Variants in NF1 observed in about 807,000 individuals in gnomAD.
NF1 encodes the protein neurofibromin 1.
A neutral mutation model predicts 325.7 loss-of-function variants in NF1; 122 were observed. That is an observed-to-expected ratio of 0.37 (90% CI 0.32 to 0.44). The LOEUF (loss-of-function observed/expected upper bound fraction) is 0.44, where lower values mean the gene tolerates loss of function less well. NF1 is among the 20% of genes least tolerant of loss of function. NF1 has a pLI of 1.00. For missense variants in NF1, 2,140 were observed against 3,415.4 expected (o/e 0.63, Z 9.31); for synonymous variants, 1,091 against 1,186.0 (o/e 0.92, Z 1.65).
intron 30 of NF1, chr17:31,251,157 C>G (rs1464832053): frequency 1.0e-5 from 2 of 199,780 alleles, no homozygotes; most frequent in Non-Finnish European, 2.1e-5. Flanking sequence ...TTGGTTTGCT[C>G]TTTTGTTTTT....
Position 31,098,358 on chromosome 17 carries a change from CTTTAT to C in NF1, c.60+2998_60+3002del, listed in dbSNP as rs1911961690. Among the ~76,000 whole-genome samples the C allele has an allele frequency of 2.0e-5, 3 of 151,704 alleles. 1 individual carries two copies. The highest frequency in any genetic ancestry group is 4.4e-5 in the Non-Finnish European group (3 of 67,932). On this transcript the variant is annotated intron_variant, in intron 1 of 57. Transcript: ENST00000358273. Reference sequence around the variant, plus strand: ...TAATCCATTAAATATATTTAGAAGACTTTATTTTATTTTTTTTATTTTTGAGACGG... The same window carrying C: ...TAATCCATTAAATATATTTAGAAGACTTTATTTTTTTTATTTTTGAGACGG...
At chr17:31,358,704 CT>C (rs1247440508) in intron 55 of NF1, 82 bp downstream of exon 55, 3 of 1,524,308 alleles carry the variant, frequency 2.0e-6, no homozygotes, top group Non-Finnish European at 2.7e-6. Flanking sequence ...CTACAGAATT[CT>C]TTATAAGGGA....
In NF1 at chr17:31,335,145, A is replaced by T. The variant is rs567663500; in HGVS notation, c.6006+114A>T. On this transcript the variant is annotated intron_variant, in intron 40 of 57. Coordinates refer to ENST00000358273, the MANE Select transcript of NF1 (RefSeq NM_001042492.3). The stretch of plus-strand genomic sequence containing the variant: ...CTAGGGATAGAGTTGTAAAAAACAC[A>T]GTTTCCTCCTTCAGAAAGCATGTAG... The T allele has an allele frequency of 1.0e-3, 888 of 852,270 alleles. 1 individual carries two copies. The highest frequency in any genetic ancestry group is 2.1e-3 in the Middle Eastern group (8 of 3,750). 52.8% of individuals were successfully genotyped at this position (852,270 alleles called of 1,614,324 possible).
chr17:31,125,784 C>G (rs1329431440), intron 1 of NF1, among the ~76,000 whole-genome samples: 1 of 152,140 alleles, frequency 6.6e-6, no homozygotes, highest in Non-Finnish European at 1.5e-5. Flanking sequence ...GATCTGTCCA[C>G]CTCCGTCTCC....
Position 31,322,104 on chromosome 17 carries a change from C to T in NF1, c.4836-3716C>T, listed in dbSNP as rs1407112598. Among the ~76,000 whole-genome samples, 220 of 147,482 alleles carry T rather than the reference C, an allele frequency of 1.5e-3. 1 individual carries two copies. The highest frequency in any genetic ancestry group is 5.2e-3 in the African/African-American group (206 of 39,550). The stretch of plus-strand genomic sequence containing the variant: ...GGTGTAGTGTGTGTATACACACACA[C>T]ACACACACACACACACACACACACA... On this transcript the variant is annotated intron_variant, in intron 36 of 57. Transcript: ENST00000358273.
intron 36 of NF1, among the ~76,000 whole-genome samples, chr17:31,276,046 A>G (rs542025803): frequency 1.3e-5 from 2 of 152,014 alleles, no homozygotes; most frequent in African/African-American, 2.4e-5. Flanking sequence ...CATCTCTACT[A>G]AAAATACAAA....
chr17:31,187,021 C>A (rs927455313), intron 8 of NF1, among the ~76,000 whole-genome samples: 1 of 152,200 alleles, frequency 6.6e-6, no homozygotes, highest in African/African-American at 2.4e-5. Flanking sequence ...TAGACACTTA[C>A]TCCTGATATG....
chr17:31,196,406 A>G (rs1482415090), intron 8 of NF1, among the ~76,000 whole-genome samples: 1 of 152,118 alleles, frequency 6.6e-6, no homozygotes, highest in African/African-American at 2.4e-5. Context: ...TTTTAGTTAT[A>G]GGAATTTTTA....
chr17:31,361,169 C>T, intron 57 of NF1: 1 of 155,254 alleles, frequency 6.4e-6, no homozygotes, highest in Non-Finnish European at 1.4e-5. Flanking sequence ...CCAGCAATAA[C>T]TCAACCATCC....
At chr17:31,283,097 G>A (rs551890139) in intron 36 of NF1, among the ~76,000 whole-genome samples, 4 of 152,114 alleles carry the variant, frequency 2.6e-5, no homozygotes, top group Non-Finnish European at 5.9e-5. Flanking sequence ...GAGAATCTAG[G>A]TTTTGTATGT....
At chr17:31,213,399 A>G (rs1372485244) in intron 12 of NF1, among the ~76,000 whole-genome samples, 1 of 152,202 alleles carries the variant, frequency 6.6e-6, no homozygotes, top group Non-Finnish European at 1.5e-5. Context: ...TAACAAATGC[A>G]TATTTCACTT....
At chr17:31,252,906 G>T in intron 30 of NF1, 32 bp from the exon 31 acceptor site, 1 of 1,583,516 alleles carries the variant, frequency 6.3e-7, no homozygotes. Flanking sequence ...AGTCGGTGCT[G>T]TGACTTGTTT....
At chr17:31,182,977 G>T (rs1165946797) in intron 8 of NF1, 1 of 573,732 alleles carries the variant, frequency 1.7e-6, no homozygotes, top group African/African-American at 1.9e-5. Context: ...TCACTACAAG[G>T]ATTGCCCTAC....
At chr17:31,316,270 T>C (rs1024194125) in intron 36 of NF1, among the ~76,000 whole-genome samples, 8 of 152,190 alleles carry the variant, frequency 5.3e-5, no homozygotes, top group South Asian at 2.1e-4. Context: ...TAAATGACTT[T>C]TAAATTTTGA....
chr17:31,234,977 G>A lies in NF1; in HGVS notation c.3709-634G>A, dbSNP rs375911954. 1.9e-4 allele frequency among the ~76,000 whole-genome samples: 29 copies of A among 152,204 alleles called. 1 individual carries two copies. The highest frequency in any genetic ancestry group is 6.3e-4 in the African/African-American group (26 of 41,532). On this transcript the variant is annotated intron_variant, in intron 27 of 57. Transcript: ENST00000358273. ...TTTTTTCTTGAGTGTACCCCAAACT[G>A]TTTTACTACAGAGAGTTATAAAGGA... is the stretch of plus-strand genomic sequence containing the variant.
At chr17:31,305,146 A>T (rs1272805762) in intron 36 of NF1, 2 of 1,614,154 alleles carry the variant, frequency 1.2e-6, no homozygotes, top group South Asian at 1.1e-5. Context: ...TCTAGAAGGG[A>T]TCTGGACAGA....
At chr17:31,362,579 C>T (rs1418970485) in intron 57 of NF1, among the ~76,000 whole-genome samples, 1 of 152,110 alleles carries the variant, frequency 6.6e-6, no homozygotes, top group African/African-American at 2.4e-5. Context: ...ATTGCTAATT[C>T]ATTACTTCTG....
intron 5 of NF1, among the ~76,000 whole-genome samples, chr17:31,175,877 A>G (rs1289838121): frequency 3.3e-5 from 5 of 152,190 alleles, no homozygotes; most frequent in African/African-American, 1.2e-4. Context: ...TCAGCATAGT[A>G]TTCTGTGGTG....
intron 1 of NF1, among the ~76,000 whole-genome samples, chr17:31,105,305 G>A (rs568280387): frequency 6.6e-6 from 1 of 152,268 alleles, no homozygotes; most frequent in East Asian, 1.9e-4. Context: ...TTGGCATTAT[G>A]TTCTAAAACT....
Sources: allele counts gnomAD v4.1 joint callset (sites outside exome capture counted in the v4.1 genomes callset), GRCh38; gene constraint gnomAD v4.1.1; transcripts MANE v1.5; gene names NCBI Gene and HGNC (gene_info 2026-07-23, HGNC 2026-07-21).